The following WNT9B variants were observed in gnomAD, a reference collection of about 807,000 sequenced individuals.
The protein encoded by WNT9B is Wnt family member 9B.
A neutral mutation model predicts 30.2 loss-of-function variants in WNT9B; 12 were observed. The observed-to-expected ratio is 0.40, with a 90% CI of 0.26 to 0.64. WNT9B has a LOEUF of 0.64. Among genes scored for constraint, WNT9B ranks in the 30% least tolerant of loss-of-function variants. WNT9B has a pLI of 0.42. For synonymous variants in WNT9B, 218 were observed against 216.9 expected (o/e 1.01, Z -0.05); for missense variants, 442 against 485.2 (o/e 0.91, Z 0.84).
At chr17:46,842,482 C>T (rs2084727800) in intron 1 of WNT9B, among the ~76,000 whole-genome samples, 2 of 152,200 alleles carry the variant, frequency 1.3e-5, no homozygotes, top group Non-Finnish European at 2.9e-5. Context: ...TCAAACCATC[C>T]TCCTGCCTCA....
intron 1 of WNT9B, among the ~76,000 whole-genome samples, chr17:46,855,522 A>G (rs954049389): frequency 1.3e-5 from 2 of 152,152 alleles, no homozygotes; most frequent in African/African-American, 2.4e-5. Context: ...AAGGTTCCCT[A>G]ATGCTAACAG....
At chr17:46,881,735 C>T (rs955496944), downstream of WNT9B, among the ~76,000 whole-genome samples, 7 of 152,298 alleles carry the variant, frequency 4.6e-5, no homozygotes, top group South Asian at 2.1e-4. Flanking sequence ...GTACCCTACC[C>T]GCAATATCCC....
chr17:46,870,818 T>C (rs2085229067), intron 1 of WNT9B, among the ~76,000 whole-genome samples: 1 of 152,004 alleles, frequency 6.6e-6, no homozygotes, highest in Admixed American at 6.6e-5. Context: ...CCACAGGACT[T>C]ACCTTGGCCA....
chr17:46,837,640 A>T lies in WNT9B; in HGVS notation c.95+4200A>T, dbSNP rs542512318. Among the ~76,000 whole-genome samples the T allele has an allele frequency of 2.6e-5, 4 of 152,106 alleles. No homozygotes were observed. In the South Asian group the frequency reaches 8.3e-4, roughly 32 times the overall value. ...ATGTGAACCCAGAGAGTCTGGGGTG[A>T]CTCCAAAGGACTGAGGCTGGGAACA... On this transcript the variant is annotated intron_variant, in intron 1 of 2. Transcript: ENST00000575372.
downstream of WNT9B, among the ~76,000 whole-genome samples, chr17:46,884,791 C>A (rs1468815873): frequency 6.6e-6 from 1 of 152,150 alleles, no homozygotes; most frequent in South Asian, 2.1e-4. Flanking sequence ...AGCTTTCAGA[C>A]CCAGTGAAGG....
chr17:46,834,955 G>C (rs2084607949), intron 1 of WNT9B, among the ~76,000 whole-genome samples: 1 of 152,086 alleles, frequency 6.6e-6, no homozygotes, highest in African/African-American at 2.4e-5. Flanking sequence ...AAACTCCCTA[G>C]ATTGGCCCTC....
chr17:46,865,421 G>A (rs881148), intron 1 of WNT9B, among the ~76,000 whole-genome samples: 3,898 of 152,172 alleles, frequency 0.026, 153 homozygotes, highest in African/African-American at 0.084. Flanking sequence ...ATGGGTGGGG[G>A]ACGAGGCTGT....
intron 1 of WNT9B, among the ~76,000 whole-genome samples, chr17:46,841,604 C>G (rs910227029): frequency 2.0e-5 from 3 of 152,052 alleles, no homozygotes; most frequent in Non-Finnish European, 2.9e-5. Context: ...GAGAAGGGAG[C>G]GCTGGGGGCT....
chr17:46,875,130 G>C lies in WNT9B; in HGVS notation c.364G>C (p.Val122Leu). 6.2e-7 allele frequency: 1 copy of C among 1,613,910 alleles called. No individual in the cohort carries two copies. Among genetic ancestry groups the C allele is most frequent in the Non-Finnish European group, 8.5e-7 (1 of 1,180,032 alleles). The change falls in exon 3 of 4, where the codon GTG becomes CTG. Residue 122 changes from valine (V) to leucine (L), a missense_variant. Coordinates refer to ENST00000290015, the MANE Select transcript of WNT9B (RefSeq NM_003396.3). Reference sequence around the variant, plus strand: ...CAAAGAGACAGCTTTCCTGTACGCGGTGTCCTCTGCCGCCCTCACCCACAC... The same window carrying C: ...CAAAGAGACAGCTTTCCTGTACGCGCTGTCCTCTGCCGCCCTCACCCACAC... ...GFKETAFLYA[V>L]SSAALTHTLA... is the part of the protein sequence containing the mutation.
intron 1 of WNT9B, among the ~76,000 whole-genome samples, chr17:46,861,744 A>C (rs1209331651): frequency 6.6e-6 from 1 of 152,172 alleles, no homozygotes; most frequent in Non-Finnish European, 1.5e-5. Context: ...CCAACTACCA[A>C]GCTCTGGTCA....
chr17:46,845,168 G>A (rs1381860234), intron 1 of WNT9B, among the ~76,000 whole-genome samples: 1 of 152,132 alleles, frequency 6.6e-6, no homozygotes, highest in Non-Finnish European at 1.5e-5. Flanking sequence ...CTTCTTTTGA[G>A]CAGTATCCAT....
At chr17:46,882,187 A>G (rs2085432283), downstream of WNT9B, among the ~76,000 whole-genome samples, 1 of 152,088 alleles carries the variant, frequency 6.6e-6, no homozygotes. Flanking sequence ...TTTTTAAAAC[A>G]TGTTTTCCTG....
intron 1 of WNT9B, among the ~76,000 whole-genome samples, chr17:46,868,537 A>G (rs751353465): frequency 2.3e-4 from 35 of 152,338 alleles, no homozygotes; most frequent in Admixed American, 4.6e-4. Flanking sequence ...CAGAGGTTGC[A>G]GTGAGCCGAA....
At chr17:46,872,413 C>T in intron 1 of WNT9B, 104 bp from the exon 2 acceptor site, 1 of 1,385,454 alleles carries the variant, frequency 7.2e-7, no homozygotes, top group African/African-American at 1.5e-5. Flanking sequence ...AGCCTGCTGC[C>T]CAGAAGGGCA....
chr17:46,869,781 T>C (rs1283149955), intron 1 of WNT9B, among the ~76,000 whole-genome samples: 1 of 152,104 alleles, frequency 6.6e-6, no homozygotes. Flanking sequence ...GGCAGGTCAC[T>C]TGAAGTCAGG....
intron 2 of WNT9B, among the ~76,000 whole-genome samples, 167 bp downstream of exon 2, chr17:46,872,940 G>A (rs1389787099): frequency 1.3e-5 from 2 of 152,114 alleles, no homozygotes; most frequent in African/African-American, 2.4e-5. Flanking sequence ...GAGTTAATGA[G>A]GGGCAGTTGA....
chr17:46,862,447 A>C (rs950596029), intron 1 of WNT9B, among the ~76,000 whole-genome samples: 1 of 152,118 alleles, frequency 6.6e-6, no homozygotes, highest in African/African-American at 2.4e-5. Context: ...GTATGAGTTC[A>C]CCACAATTGT....
At chr17:46,866,363 T>G (rs1252159238) in intron 1 of WNT9B, among the ~76,000 whole-genome samples, 2 of 151,812 alleles carry the variant, frequency 1.3e-5, no homozygotes, top group Non-Finnish European at 2.9e-5. Context: ...AGTGTGTGTG[T>G]GAGTGTGTAT....
chr17:46,839,168 G>C (rs904049834), intron 1 of WNT9B, among the ~76,000 whole-genome samples: 1 of 152,192 alleles, frequency 6.6e-6, no homozygotes, highest in Non-Finnish European at 1.5e-5. Flanking sequence ...GTGAGCCACC[G>C]CACCTGGCCT....
Sources: gnomAD v4.1 joint callset for allele counts (sites outside exome capture counted in the v4.1 genomes callset) on GRCh38, gnomAD v4.1.1 for gene constraint, MANE v1.5 for transcripts, NCBI Gene and HGNC (gene_info 2026-07-23, HGNC 2026-07-21) for gene names.